Variants in PRICKLE2 observed in about 807,000 individuals in gnomAD.
PRICKLE2 encodes prickle planar cell polarity protein 2.
Under a neutral mutation model 81.4 loss-of-function variants are expected in PRICKLE2, and 21 were observed. That is an observed-to-expected ratio of 0.26 (90% CI 0.18 to 0.37). The LOEUF is 0.37. Ranked by LOEUF, PRICKLE2 falls within the 10% of genes least tolerant of loss-of-function variation. PRICKLE2 has a pLI of 1.00. For synonymous variants in PRICKLE2, 456 were observed against 421.5 expected, an observed-to-expected ratio of 1.08 and a Z score of -1.00; for missense variants, 940 against 1,109.0, an observed-to-expected ratio of 0.85 and a Z score of 2.16.
chr3:64,219,616 A>G (rs973684617), intron 1 of PRICKLE2, among the ~76,000 whole-genome samples: 1 of 152,244 alleles, frequency 6.6e-6, no homozygotes, highest in Non-Finnish European at 1.5e-5. Context: ...AGTCTGACAT[A>G]TTCTCTTGTG....
At chr3:64,178,184 C>T (rs951937154) in intron 2 of PRICKLE2, among the ~76,000 whole-genome samples, 7 of 152,192 alleles carry the variant, frequency 4.6e-5, no homozygotes, top group Non-Finnish European at 1.0e-4. Context: ...TGCTTATCAG[C>T]CGACCGTATA....
chr3:64,118,627 A>C (rs1425922007), intron 7 of PRICKLE2, among the ~76,000 whole-genome samples: 3 of 152,186 alleles, frequency 2.0e-5, no homozygotes, highest in African/African-American at 7.2e-5. Flanking sequence ...GAGAAATGCA[A>C]CTCAAAACCA....
chr3:64,206,254 C>A (rs1271932933), intron 1 of PRICKLE2, among the ~76,000 whole-genome samples: 1 of 152,086 alleles, frequency 6.6e-6, no homozygotes, highest in Non-Finnish European at 1.5e-5. Context: ...TGTGATGCAG[C>A]CGGTCCTCCA....
chr3:64,130,804 G>A (rs1223206731), intron 7 of PRICKLE2, among the ~76,000 whole-genome samples: 2 of 152,338 alleles, frequency 1.3e-5, no homozygotes, highest in East Asian at 3.9e-4. Flanking sequence ...AATCTTGGGG[G>A]TGGGGTCCAG....
At chr3:64,124,662 G>T (rs1046759014) in intron 7 of PRICKLE2, among the ~76,000 whole-genome samples, 1 of 152,150 alleles carries the variant, frequency 6.6e-6, no homozygotes, top group African/African-American at 2.4e-5. Context: ...CTGTATATAT[G>T]AAACAACAAG....
intron 7 of PRICKLE2, among the ~76,000 whole-genome samples, chr3:64,131,357 C>A (rs898639771): frequency 1.3e-5 from 2 of 152,154 alleles, no homozygotes; most frequent in African/African-American, 4.8e-5. Context: ...GTGGCAACAC[C>A]CACCTGGGAA....
At chr3:64,151,360 G>C (rs1156907249) in intron 6 of PRICKLE2, among the ~76,000 whole-genome samples, 1 of 152,184 alleles carries the variant, frequency 6.6e-6, no homozygotes, top group Non-Finnish European at 1.5e-5. Flanking sequence ...CCCTTTAATG[G>C]ATTTAATAGG....
chr3:64,205,154 G>A (rs538099741), intron 1 of PRICKLE2, among the ~76,000 whole-genome samples: 1 of 150,536 alleles, frequency 6.6e-6, no homozygotes, highest in East Asian at 2.0e-4. Flanking sequence ...TGTCAGAGTT[G>A]ACATTCTATC....
intron 7 of PRICKLE2, among the ~76,000 whole-genome samples, chr3:64,124,262 A>G (rs2077073290): frequency 6.6e-6 from 1 of 152,226 alleles, no homozygotes; most frequent in South Asian, 2.1e-4. Context: ...GAAATTGCAG[A>G]AGAAAAGTTA....
chr3:64,164,349 C>A (rs2107048798), intron 2 of PRICKLE2, among the ~76,000 whole-genome samples: 1 of 151,908 alleles, frequency 6.6e-6, no homozygotes, highest in African/African-American at 2.4e-5. Context: ...AAAACATCAA[C>A]AAAAATAAAA....
intron 7 of PRICKLE2, among the ~76,000 whole-genome samples, chr3:64,110,860 GC>G (rs754969520): frequency 6.6e-6 from 1 of 151,346 alleles, no homozygotes; most frequent in East Asian, 1.9e-4. Flanking sequence ...GTGTCGGGAG[GC>G]TGAGGCAGGA....
intron 2 of PRICKLE2, among the ~76,000 whole-genome samples, chr3:64,238,239 C>A (rs1446950646): frequency 6.6e-6 from 1 of 152,098 alleles, no homozygotes; most frequent in Admixed American, 6.5e-5. Context: ...GTAATCCCAG[C>A]CCTTTGGGAG....
At chr3:64,220,238 T>C (rs371590097) in intron 1 of PRICKLE2, among the ~76,000 whole-genome samples, 1 of 152,190 alleles carries the variant, frequency 6.6e-6, no homozygotes, top group East Asian at 1.9e-4. Context: ...AAAATTGGCA[T>C]CTTGCCCAGT....
chr3:64,255,822 T>C (rs916192272), intron 2 of PRICKLE2, among the ~76,000 whole-genome samples: 3 of 152,208 alleles, frequency 2.0e-5, no homozygotes, highest in African/African-American at 7.2e-5. Context: ...GAGATGGTAG[T>C]AGCATTGGGT....
intron 1 of PRICKLE2, among the ~76,000 whole-genome samples, chr3:64,223,738 G>A (rs1220460752): frequency 1.3e-5 from 2 of 152,150 alleles, no homozygotes; most frequent in Admixed American, 1.3e-4. Context: ...TTATGTCAAA[G>A]TTGTGACTTA....
At chr3:64,100,125 CACTT>C (rs1320724015) in intron 7 of PRICKLE2, 200 bp from the exon 8 acceptor site, 16 of 595,262 alleles carry the variant, frequency 2.7e-5, no homozygotes, top group Non-Finnish European at 5.9e-6. Context: ...CTAGAGGGGG[CACTT>C]ACTTAAAATG....
chr3:64,267,024 G>C (rs1161813995), intron 2 of PRICKLE2, among the ~76,000 whole-genome samples: 1 of 151,764 alleles, frequency 6.6e-6, no homozygotes, highest in Non-Finnish European at 1.5e-5. Flanking sequence ...AGATGGGTGG[G>C]GGGAGCTGAA....
At chr3:64,124,791 ACT>A (rs2077082593) in intron 7 of PRICKLE2, among the ~76,000 whole-genome samples, 2 of 152,246 alleles carry the variant, frequency 1.3e-5, no homozygotes, top group East Asian at 3.8e-4. Flanking sequence ...TTGACAATGC[ACT>A]TGGTCACCCA....
intron 2 of PRICKLE2, among the ~76,000 whole-genome samples, chr3:64,197,857 T>C (rs981847995): frequency 6.9e-6 from 1 of 144,582 alleles, no homozygotes; most frequent in African/African-American, 2.5e-5. Flanking sequence ...AAAATAAAGT[T>C]AAAAAAAAAA....
Sources: gnomAD v4.1 joint callset for allele counts (sites outside exome capture counted in the v4.1 genomes callset) on GRCh38, gnomAD v4.1.1 for gene constraint, MANE v1.5 for transcripts, NCBI Gene and HGNC (gene_info 2026-07-23, HGNC 2026-07-21) for gene names.